The following LAMC1 variants were observed in gnomAD, a reference collection of about 807,000 sequenced individuals.
The protein encoded by LAMC1 is laminin subunit gamma 1, also known as laminin subunit gamma-1.
Under a neutral mutation model 173.6 loss-of-function variants are expected in LAMC1, and 38 were observed. That is an observed-to-expected ratio of 0.22 (90% CI 0.17 to 0.29). LAMC1 has a LOEUF of 0.29. LAMC1 is among the 10% of genes least tolerant of loss of function. The pLI is 1.00. For synonymous variants in LAMC1, 746 were observed against 749.1 expected, an observed-to-expected ratio of 1.00 and a Z score of 0.07; for missense variants, 1,824 against 2,051.8, an observed-to-expected ratio of 0.89 and a Z score of 2.14.
chr1:183,082,741 G>A (rs924463267), intron 1 of LAMC1, among the ~76,000 whole-genome samples: 1 of 152,200 alleles, frequency 6.6e-6, no homozygotes, highest in Admixed American at 6.5e-5. Context: ...ATGTAACTAG[G>A]CCTGTAAAGA....
intron 13 of LAMC1, among the ~76,000 whole-genome samples, chr1:183,123,351 A>G (rs1191189069): frequency 6.6e-6 from 1 of 152,158 alleles, no homozygotes; most frequent in East Asian, 1.9e-4. Context: ...GCTCCCCTAC[A>G]ATGGCTCCAA....
At chr1:183,137,310 G>T (rs1037220509) in intron 25 of LAMC1, among the ~76,000 whole-genome samples, 1 of 152,088 alleles carries the variant, frequency 6.6e-6, no homozygotes, top group African/African-American at 2.4e-5. Flanking sequence ...TTACCTCAGC[G>T]AAAGCATCTA....
At chr1:183,104,811 T>C (rs1655927295) in intron 2 of LAMC1, among the ~76,000 whole-genome samples, 1 of 152,190 alleles carries the variant, frequency 6.6e-6, no homozygotes, top group African/African-American at 2.4e-5. Context: ...GAGGTTATGG[T>C]GAGCAATGAG....
At chr1:183,055,727 G>A (rs902024280) in intron 1 of LAMC1, among the ~76,000 whole-genome samples, 3 of 151,998 alleles carry the variant, frequency 2.0e-5, no homozygotes, top group South Asian at 2.1e-4. Flanking sequence ...CAGGATAATC[G>A]CTTGAACCTG....
intron 1 of LAMC1, among the ~76,000 whole-genome samples, chr1:183,072,169 T>A (rs1463570895): frequency 1.3e-5 from 2 of 152,236 alleles, no homozygotes; most frequent in Non-Finnish European, 2.9e-5. Context: ...AGTTTGACTT[T>A]CTGAATTCTT....
chr1:183,125,124 T>G, intron 14 of LAMC1: 2 of 592,850 alleles, frequency 3.4e-6, no homozygotes, highest in Non-Finnish European at 5.9e-6. Flanking sequence ...ATTTAATATA[T>G]CCAACATATG....
intron 1 of LAMC1, among the ~76,000 whole-genome samples, chr1:183,070,551 A>G (rs1291659381): frequency 1.3e-5 from 2 of 152,154 alleles, no homozygotes; most frequent in Non-Finnish European, 2.9e-5. Context: ...ATTTGTATTT[A>G]ATGTCTAGGG....
intron 1 of LAMC1, among the ~76,000 whole-genome samples, chr1:183,101,364 T>C (rs1474359671): frequency 6.6e-6 from 1 of 151,712 alleles, no homozygotes; most frequent in Non-Finnish European, 1.5e-5. Flanking sequence ...AACAAAGAGA[T>C]ACAGGTAAAA....
In LAMC1 at chr1:183,119,498, A is replaced by G. The variant is rs139206516; in HGVS notation, c.1990+1352A>G. 1.4e-3 allele frequency among the ~76,000 whole-genome samples: 214 copies of G among 152,322 alleles called. 1 individual carries two copies. The highest frequency in any genetic ancestry group is 4.9e-3 in the African/African-American group (204 of 41,574). Reference sequence around the variant, plus strand: ...TGACAGAAAATATAGATGGAAAAGAAGGATGGAATCCTGGAAACAGTTAAG... The same window carrying G: ...TGACAGAAAATATAGATGGAAAAGAGGGATGGAATCCTGGAAACAGTTAAG... On this transcript the variant is annotated intron_variant, in intron 11 of 27. Coordinates refer to ENST00000258341, the MANE Select transcript of LAMC1 (RefSeq NM_002293.4).
At chr1:183,127,155 A>T (rs1406302982) in intron 16 of LAMC1, 71 bp from the exon 17 acceptor site, 19 of 1,424,404 alleles carry the variant, frequency 1.3e-5, no homozygotes, top group Non-Finnish European at 1.8e-5. Context: ...GCTTATTGTT[A>T]TCAGTCTGAA....
chr1:183,025,341 A>G (rs1653659274), intron 1 of LAMC1, among the ~76,000 whole-genome samples: 1 of 152,220 alleles, frequency 6.6e-6, no homozygotes, highest in Admixed American at 6.5e-5. Context: ...CTTAACAAAA[A>G]GTACTTTGAA....
rs906035891 is a variant in LAMC1, at chr1:183,121,669, C to T, written c.1991-54C>T. ...ACTTTTTAGTGTTACTGACTTTACA[C>T]AAGGTTTGGAAAACAAGCCAGTTCA... On this transcript the variant is annotated intron_variant, in intron 11 of 27. Transcript: ENST00000258341. 5 of 1,487,260 alleles carry T rather than the reference C, an allele frequency of 3.4e-6. No individual in the cohort carries two copies. The African/African-American group carries it at 6.9e-5, about 21-fold the overall frequency. 92.1% of individuals were successfully genotyped at this position (1,487,260 alleles called of 1,614,324 possible).
chr1:183,061,149 C>T (rs1217369073), intron 1 of LAMC1, among the ~76,000 whole-genome samples: 1 of 152,172 alleles, frequency 6.6e-6, no homozygotes, highest in Admixed American at 6.5e-5. Flanking sequence ...CAGCAAACCA[C>T]AAAAACTCTG....
intron 1 of LAMC1, among the ~76,000 whole-genome samples, chr1:183,048,174 T>G (rs1381337627): frequency 6.6e-6 from 1 of 152,228 alleles, no homozygotes; most frequent in Non-Finnish European, 1.5e-5. Context: ...TTCAACCATC[T>G]TTTCCTAAAT....
intron 2 of LAMC1, among the ~76,000 whole-genome samples, chr1:183,107,303 A>G (rs1293121587): frequency 6.6e-6 from 1 of 152,146 alleles, no homozygotes; most frequent in Non-Finnish European, 1.5e-5. Flanking sequence ...GGAAAAAGAC[A>G]ATGTAAATAA....
intron 26 of LAMC1, 45 bp from the exon 27 acceptor site, chr1:183,140,359 T>A (rs1657078617): frequency 8.4e-7 from 1 of 1,189,046 alleles, no homozygotes; most frequent in African/African-American, 1.6e-5. Context: ...TTAAAGAAGA[T>A]GAAAACATAC....
At chr1:183,087,917 G>A (rs1353138342) in intron 1 of LAMC1, among the ~76,000 whole-genome samples, 3 of 151,516 alleles carry the variant, frequency 2.0e-5, no homozygotes, top group South Asian at 4.2e-4. Context: ...AGGTTCAAGC[G>A]ATTCTCCTGC....
intron 2 of LAMC1, 45 bp downstream of exon 2, chr1:183,103,677 T>C: frequency 2.7e-6 from 4 of 1,491,178 alleles, no homozygotes; most frequent in Non-Finnish European, 3.6e-6. Context: ...TTCTACAACA[T>C]GCGAGGTGTG....
At chr1:183,061,438 G>A (rs1571415652) in intron 1 of LAMC1, among the ~76,000 whole-genome samples, 3 of 151,054 alleles carry the variant, frequency 2.0e-5, no homozygotes, top group East Asian at 2.0e-4. Flanking sequence ...GAAATAATTT[G>A]TCAGTATTCT....
Sources: allele counts gnomAD v4.1 joint callset (sites outside exome capture counted in the v4.1 genomes callset), GRCh38; gene constraint gnomAD v4.1.1; transcripts MANE v1.5; gene names NCBI Gene and HGNC (gene_info 2026-07-23, HGNC 2026-07-21).